C9orf153: variants seen among roughly 807,000 people sequenced by gnomAD.
C9orf153 encodes the protein chromosome 9 open reading frame 153.
C9orf153 carries 10 observed loss-of-function variants against 9.0 expected under a neutral mutation model. The observed-to-expected ratio is 1.11, with a 90% CI of 0.69 to 1.89. The LOEUF is 1.89. Ranked by LOEUF, C9orf153 falls within the 40% of genes most tolerant of loss-of-function variation. The pLI is 0.00. For synonymous variants in C9orf153, 35 were observed against 37.3 expected, an observed-to-expected ratio of 0.94 and a Z score of 0.23; for missense variants, 108 against 111.0, an observed-to-expected ratio of 0.97 and a Z score of 0.12.
chr9:86,247,966 C>T (rs112190722), intron 1 of C9orf153, among the ~76,000 whole-genome samples: 7 of 152,264 alleles, frequency 4.6e-5, no homozygotes, highest in Non-Finnish European at 1.0e-4. Context: ...AGGCTCTGCA[C>T]GCATTGGTGG....
At chr9:86,235,194 C>T (rs1253853414) in intron 1 of C9orf153, among the ~76,000 whole-genome samples, 3 of 152,090 alleles carry the variant, frequency 2.0e-5, no homozygotes. Context: ...GGCAGGGATG[C>T]TGGAATTACC....
intron 1 of C9orf153, 56 bp from the exon 2 acceptor site, chr9:86,229,685 T>C (rs1490299270): frequency 1.9e-6 from 2 of 1,026,048 alleles, no homozygotes; most frequent in African/African-American, 3.2e-5. Context: ...TCAGATAGAA[T>C]ACAAAGGGGG....
At chr9:86,227,739 A>G in intron 3 of C9orf153, 116 bp downstream of exon 3, 1 of 1,441,174 alleles carries the variant, frequency 6.9e-7, no homozygotes, top group Non-Finnish European at 9.1e-7. Flanking sequence ...CCACACTGTG[A>G]CAGCCTCTGC....
At chr9:86,253,342 G>A (rs1564004695) in intron 1 of C9orf153, among the ~76,000 whole-genome samples, 1 of 152,154 alleles carries the variant, frequency 6.6e-6, no homozygotes, top group Non-Finnish European at 1.5e-5. Context: ...TCCTGAACTT[G>A]CAATAAGTAA....
chr9:86,229,605 G>A lies in C9orf153; in HGVS notation c.-2C>T, dbSNP rs779590719. ...ACTGGTGTCTCCAGTGAGGAACATC[G>A]TGCTGGGATTTTATTCTCTAATTCC... is the stretch of plus-strand genomic sequence containing the variant. On this transcript the variant is annotated 5_prime_UTR_variant, in exon 2 of 4. It adds an upstream start codon to the 5' untranslated region. Coordinates refer to ENST00000339137, the MANE Select transcript of C9orf153 (RefSeq NM_001276366.4). 1.2e-5 allele frequency: 19 copies of A among 1,608,218 alleles called. No individual in the cohort carries two copies. Among genetic ancestry groups the A allele is most frequent in the South Asian group, 4.4e-5 (4 of 90,354 alleles).
chr9:86,222,680 A>G (rs1042366174), intron 3 of C9orf153, among the ~76,000 whole-genome samples: 1 of 152,082 alleles, frequency 6.6e-6, no homozygotes, highest in Non-Finnish European at 1.5e-5. Context: ...CACCCTTTTC[A>G]TGGCTAAATA....
chr9:86,222,184 G>A (rs978962802), intron 3 of C9orf153, among the ~76,000 whole-genome samples: 2 of 152,016 alleles, frequency 1.3e-5, no homozygotes, highest in East Asian at 1.9e-4. Context: ...CACTGTACCC[G>A]GCCTAAAGCT....
At chr9:86,244,703 G>A (rs996795691) in intron 1 of C9orf153, among the ~76,000 whole-genome samples, 1 of 152,154 alleles carries the variant, frequency 6.6e-6, no homozygotes, top group African/African-American at 2.4e-5. Flanking sequence ...GAAGAATATC[G>A]GGAACACCAC....
intron 1 of C9orf153, among the ~76,000 whole-genome samples, chr9:86,248,834 C>A (rs1824927500): frequency 6.6e-6 from 1 of 152,156 alleles, no homozygotes; most frequent in Non-Finnish European, 1.5e-5. Flanking sequence ...CTTCTCTTAG[C>A]CCACCTTCCC....
intron 1 of C9orf153, among the ~76,000 whole-genome samples, chr9:86,244,283 C>T (rs182476530): frequency 3.2e-4 from 48 of 152,092 alleles, no homozygotes; most frequent in Admixed American, 2.4e-3. Flanking sequence ...CTATGTTGCC[C>T]AGCTGGTCTC....
chr9:86,256,614 G>GA (rs1446953073), intron 1 of C9orf153, among the ~76,000 whole-genome samples: 1 of 152,208 alleles, frequency 6.6e-6, no homozygotes, highest in Non-Finnish European at 1.5e-5. Context: ...TTTGGGAAAG[G>GA]AAAGTAGCTC....
At chr9:86,235,121 A>C (rs1198658907) in intron 1 of C9orf153, among the ~76,000 whole-genome samples, 1 of 152,178 alleles carries the variant, frequency 6.6e-6, no homozygotes, top group Non-Finnish European at 1.5e-5. Context: ...TCAACAAAAG[A>C]TTATAAGGCA....
chr9:86,224,482 G>A (rs942306644), intron 3 of C9orf153, among the ~76,000 whole-genome samples: 1 of 152,078 alleles, frequency 6.6e-6, no homozygotes, highest in Non-Finnish European at 1.5e-5. Context: ...GGTGAGGATA[G>A]TTAACAATAA....
At chr9:86,243,356 A>G (rs998825090) in intron 1 of C9orf153, among the ~76,000 whole-genome samples, 28 of 152,102 alleles carry the variant, frequency 1.8e-4, no homozygotes, top group African/African-American at 6.5e-4. Flanking sequence ...TAAACCTTTC[A>G]CTACAACAGA....
intron 1 of C9orf153, among the ~76,000 whole-genome samples, 165 bp downstream of exon 1, chr9:86,259,385 T>A (rs554327113): frequency 1.3e-5 from 2 of 152,118 alleles, no homozygotes; most frequent in African/African-American, 4.8e-5. Flanking sequence ...CTCATCCTTA[T>A]TGGTAAAGAT....
At chr9:86,231,625 A>T (rs915305784) in intron 1 of C9orf153, among the ~76,000 whole-genome samples, 11 of 152,056 alleles carry the variant, frequency 7.2e-5, no homozygotes, top group Admixed American at 2.6e-4. Context: ...ACATGTATGT[A>T]TATGCATATA....
At chr9:86,232,064 C>T (rs540098741) in intron 1 of C9orf153, among the ~76,000 whole-genome samples, 54 of 152,238 alleles carry the variant, frequency 3.5e-4, no homozygotes, top group African/African-American at 1.2e-3. Context: ...ATCAGCAGTG[C>T]CAATATCCAA....
chr9:86,238,035 A>C (rs1172136345), intron 1 of C9orf153, among the ~76,000 whole-genome samples: 1 of 152,154 alleles, frequency 6.6e-6, no homozygotes, highest in Admixed American at 6.5e-5. Context: ...CAGTGAGTGG[A>C]GATCACACCA....
chr9:86,243,824 T>C (rs1824804203), intron 1 of C9orf153, among the ~76,000 whole-genome samples: 1 of 152,236 alleles, frequency 6.6e-6, no homozygotes, highest in Non-Finnish European at 1.5e-5. Flanking sequence ...TTCACATTTC[T>C]GAAAAGCAGG....
Sources: allele counts gnomAD v4.1 joint callset (sites outside exome capture counted in the v4.1 genomes callset), GRCh38; gene constraint gnomAD v4.1.1; transcripts MANE v1.5; gene names NCBI Gene and HGNC (gene_info 2026-07-23, HGNC 2026-07-21).